The following WDR5 variants were observed in gnomAD, a reference collection of about 807,000 sequenced individuals.
The protein encoded by WDR5 is WD repeat-containing protein 5.
For missense variants in WDR5, 187 were observed against 416.9 expected, an observed-to-expected ratio of 0.45 and a Z score of 4.80; for synonymous variants, 144 against 161.6, an observed-to-expected ratio of 0.89 and a Z score of 0.83.
intron 1 of WDR5, among the ~76,000 whole-genome samples, 154 bp downstream of exon 1, chr9:134,136,354 C>G (rs1477137486): frequency 2.0e-5 from 3 of 150,690 alleles, no homozygotes; most frequent in African/African-American, 7.3e-5. Context: ...CGGCCCCGCC[C>G]GGGACCCCCG....
chr9:134,148,432 T>A, intron 8 of WDR5, 89 bp downstream of exon 8: 1 of 1,193,342 alleles, frequency 8.4e-7, no homozygotes, highest in Non-Finnish European at 1.2e-6. Context: ...GGTACAGCAG[T>A]GACAAAAGAC....
At chr9:134,140,017 G>C in intron 2 of WDR5, 59 bp downstream of exon 2, 1 of 1,583,506 alleles carries the variant, frequency 6.3e-7, no homozygotes, top group Non-Finnish European at 8.7e-7. Flanking sequence ...AGAGAGTCTC[G>C]GAAACATCTC....
intron 7 of WDR5, among the ~76,000 whole-genome samples, chr9:134,143,827 T>TAAAAAA (rs202164502): frequency 1.5e-5 from 2 of 134,656 alleles, no homozygotes; most frequent in African/African-American, 2.8e-5. Flanking sequence ...AACTCTGTCT[T>TAAAAAA]TAAAAAAAAA....
chr9:134,155,865 C>T, intron 12 of WDR5, 98 bp downstream of exon 12: 2 of 1,094,930 alleles, frequency 1.8e-6, no homozygotes, highest in Non-Finnish European at 2.7e-6. Context: ...AGACACTTTT[C>T]TGTGCCCACA....
intron 9 of WDR5, 64 bp from the exon 10 acceptor site, chr9:134,154,402 C>T (rs1287538404): frequency 1.9e-6 from 3 of 1,557,110 alleles, no homozygotes; most frequent in Non-Finnish European, 2.7e-6. Flanking sequence ...GGAGCGGGTC[C>T]CACCTCCTGT....
At chr9:134,145,952 G>GT (rs1832174587) in intron 7 of WDR5, among the ~76,000 whole-genome samples, 1 of 108,992 alleles carries the variant, frequency 9.2e-6, no homozygotes, top group African/African-American at 4.6e-5. Context: ...TTTTTTTTTT[G>GT]TTTTTTAATA....
intron 9 of WDR5, among the ~76,000 whole-genome samples, chr9:134,154,035 T>G (rs1832627200): frequency 6.6e-6 from 1 of 152,224 alleles, no homozygotes; most frequent in Admixed American, 6.5e-5. Flanking sequence ...AGATGGGTTC[T>G]GTGGGTGCAG....
At position 134,155,323 on chromosome 9, in the gene WDR5, C is replaced by A. The variant is rs749285208; in HGVS notation, c.708-17C>A. The A allele has an allele frequency of 6.3e-7, 1 of 1,592,952 alleles. No individual in the cohort carries two copies. Among genetic ancestry groups the A allele is most frequent in the Admixed American group, 1.8e-5 (1 of 55,398 alleles). ...TGCCTCCAGACATGCCGCCTCACCCCTCTCTCTGTCTTGCAGCACTCTGAA... is the reference window on the plus strand; with the variant it reads ...TGCCTCCAGACATGCCGCCTCACCCATCTCTCTGTCTTGCAGCACTCTGAA... On this transcript the variant is annotated splice_polypyrimidine_tract_variant and intron_variant, in intron 10 of 13. Transcript: ENST00000358625.
At chr9:134,140,019 A>G (rs1831798380) in intron 2 of WDR5, 61 bp downstream of exon 2, 2 of 1,581,854 alleles carry the variant, frequency 1.3e-6, no homozygotes, top group South Asian at 2.2e-5. Flanking sequence ...AGAGTCTCGG[A>G]AACATCTCAA....
intron 8 of WDR5, among the ~76,000 whole-genome samples, chr9:134,151,224 C>T (rs191401142): frequency 1.8e-3 from 281 of 152,178 alleles, no homozygotes; most frequent in African/African-American, 5.8e-3. Context: ...GTGGTCTCGT[C>T]CCTGGATTAT....
chr9:134,148,288 G>C lies in WDR5; in HGVS notation c.529G>C (p.Val177Leu). Reference sequence around the variant, plus strand: ...TCTTCTTCCTCTCCTTAATTCCTAGGTTCATTTTAATCGTGATGGATCCTT... The same window carrying C: ...TCTTCTTCCTCTCCTTAATTCCTAGCTTCATTTTAATCGTGATGGATCCTT... ...LPAHSDPVSA[V>L]HFNRDGSLIV... The change falls in exon 8 of 14, where the codon GTT becomes CTT. Residue 177 changes from valine to leucine, a missense_variant and splice_region_variant. Physicochemically the swap from Val to Leu is conservative, Grantham distance 32. Transcript: ENST00000358625. 6.3e-7 allele frequency: 1 copy of C among 1,584,102 alleles called. No homozygotes were observed. The highest frequency in any genetic ancestry group is 2.3e-5 in the East Asian group (1 of 42,794).
chr9:134,143,762 G>T (rs369609921), intron 7 of WDR5, among the ~76,000 whole-genome samples: 1 of 150,914 alleles, frequency 6.6e-6, no homozygotes, highest in Admixed American at 6.6e-5. Flanking sequence ...TGATCCTCCC[G>T]CCTTGGCCTC....
rs910906293 is a variant in WDR5, at chr9:134,156,996, C to T, written c.904+403C>T. On this transcript the variant is annotated intron_variant, in intron 13 of 13. Coordinates refer to ENST00000358625, the MANE Select transcript of WDR5 (RefSeq NM_017588.3). The stretch of plus-strand genomic sequence containing the variant: ...GTACCTGTTCCCTCTCCCAGAGAGA[C>T]CCCCCAGCTGCATGCAGGCCTAGTG... Among the ~76,000 whole-genome samples, 127 of 152,172 alleles carry T rather than the reference C, an allele frequency of 8.3e-4. 1 individual carries two copies. Among genetic ancestry groups the T allele is most frequent in the South Asian group, 6.2e-4 (3 of 4,832 alleles).
chr9:134,143,043 A>AGGAAGGGCGGCCAGGCTG (rs1831978123), intron 7 of WDR5, among the ~76,000 whole-genome samples: 1 of 148,298 alleles, frequency 6.7e-6, no homozygotes, highest in Admixed American at 6.8e-5. Context: ...TGCACGGGAC[A>AGGAAGGGCGGCCAGGCTG]GGAAGGGCGG....
chr9:134,152,056 G>C (rs1319082123), intron 9 of WDR5, 27 bp downstream of exon 9: 1 of 1,611,382 alleles, frequency 6.2e-7, no homozygotes, highest in African/African-American at 1.3e-5. Flanking sequence ...GTGGGGGCTG[G>C]GTCTGTGGGG....
In WDR5 at chr9:134,157,738, T is replaced by G. The variant is rs1192051757; in HGVS notation, c.905-155T>G. Reference sequence around the variant, plus strand: ...TCGCTCCCCTCCCCTGGGCTCCCTGTGTCGAAGGTGGGCAGTGGGTGCTTG... The same window carrying G: ...TCGCTCCCCTCCCCTGGGCTCCCTGGGTCGAAGGTGGGCAGTGGGTGCTTG... On this transcript the variant is annotated intron_variant, in intron 13 of 13. Coordinates refer to ENST00000358625, the MANE Select transcript of WDR5 (RefSeq NM_017588.3). This position sits in a 1 kb window ranked among gnomAD's most constrained non-coding sequence, Gnocchi z 5.0. Among the ~76,000 whole-genome samples the G allele has an allele frequency of 6.6e-6, 1 of 152,036 alleles. No individual in the cohort carries two copies. Among genetic ancestry groups the G allele is most frequent in the Non-Finnish European group, 1.5e-5 (1 of 67,992 alleles).
At chr9:134,142,203 C>G (rs1831930038) in intron 5 of WDR5, 130 bp from the exon 6 acceptor site, 1 of 1,180,526 alleles carries the variant, frequency 8.5e-7, no homozygotes, top group African/African-American at 1.5e-5. Context: ...GCCGAGTTGA[C>G]TTCGGGGAAC....
At chr9:134,139,744 C>T in intron 1 of WDR5, 76 bp from the exon 2 acceptor site, 2 of 951,558 alleles carry the variant, frequency 2.1e-6, no homozygotes, top group Non-Finnish European at 3.1e-6. Flanking sequence ...TTTTTCTTTT[C>T]ATCCTTTTTC....
intron 1 of WDR5, among the ~76,000 whole-genome samples, chr9:134,137,666 T>TAAAAAA (rs1831636231): frequency 2.6e-5 from 1 of 37,876 alleles, no homozygotes; most frequent in African/African-American, 7.9e-5. Context: ...GGACTGTGTC[T>TAAAAAA]CAAAAAAAAA....
Sources: allele counts gnomAD v4.1 joint callset (sites outside exome capture counted in the v4.1 genomes callset), GRCh38; gene constraint gnomAD v4.1.1; non-coding constraint Gnocchi (gnomAD v3.1); transcripts MANE v1.5; gene names NCBI Gene and HGNC (gene_info 2026-07-23, HGNC 2026-07-21).